The following ADAM22 variants were observed in gnomAD, a reference collection of about 807,000 sequenced individuals.
ADAM22 encodes ADAM metallopeptidase domain 22.
ADAM22 carries 65 observed loss-of-function variants against 144.6 expected under a neutral mutation model. The ratio of observed to expected loss-of-function variants is 0.45; its 90% CI spans 0.37 to 0.55. ADAM22 has a LOEUF of 0.55. Among genes scored for constraint, ADAM22 ranks in the 20% least tolerant of loss-of-function variants. The pLI is 0.00. For synonymous variants in ADAM22, 391 were observed against 412.6 expected, an observed-to-expected ratio of 0.95 and a Z score of 0.63; for missense variants, 974 against 1,184.9, an observed-to-expected ratio of 0.82 and a Z score of 2.61.
At chr7:88,092,747 G>A (rs528343616) in intron 4 of ADAM22, among the ~76,000 whole-genome samples, 1 of 152,212 alleles carries the variant, frequency 6.6e-6, no homozygotes, top group Admixed American at 6.5e-5. Context: ...TGCCTTAATG[G>A]CATTGTTAAG....
chr7:87,956,035 C>A (rs770108934), intron 2 of ADAM22, among the ~76,000 whole-genome samples: 22 of 152,194 alleles, frequency 1.4e-4, no homozygotes, highest in Non-Finnish European at 2.9e-4. Flanking sequence ...TCTGTCACCC[C>A]TTTCCTTGAC....
chr7:88,196,722 A>G lies in ADAM22; in HGVS notation c.*231A>G. ...AACTACTGAAATATTACACTATAACATGGAACAATAAAGGTACTGGTATGT... is the reference window on the plus strand; with the variant it reads ...AACTACTGAAATATTACACTATAACGTGGAACAATAAAGGTACTGGTATGT... On this transcript the variant is annotated 3_prime_UTR_variant, in exon 32 of 32. Coordinates refer to ENST00000413139, the MANE Select transcript of ADAM22 (RefSeq NM_001324418.2). 1 of 559,744 alleles carries G rather than the reference A, an allele frequency of 1.8e-6. No individual in the cohort carries two copies. The highest frequency in any genetic ancestry group is 3.2e-6 in the Non-Finnish European group (1 of 311,630). The allele number at this position is 559,744 out of a possible 1,614,324, so 34.7% of individuals were successfully genotyped here. A position where few individuals can be genotyped will look rare whatever the true frequency, so the allele number is the denominator to read the frequency against.
intron 7 of ADAM22, among the ~76,000 whole-genome samples, chr7:88,117,574 G>C (rs941899459): frequency 6.6e-6 from 1 of 152,092 alleles, no homozygotes; most frequent in Non-Finnish European, 1.5e-5. Flanking sequence ...GTCTTTGGCT[G>C]TGCTGGACTC....
intron 5 of ADAM22, among the ~76,000 whole-genome samples, chr7:88,112,241 A>T (rs538445399): frequency 1.3e-5 from 2 of 152,352 alleles, no homozygotes; most frequent in East Asian, 3.9e-4. Flanking sequence ...CAGAAAGTAC[A>T]TGTGGCTGAA....
At chr7:88,184,792 C>A (rs1046339654) in intron 29 of ADAM22, among the ~76,000 whole-genome samples, 1 of 152,302 alleles carries the variant, frequency 6.6e-6, no homozygotes, top group Non-Finnish European at 1.5e-5. Context: ...GTGAAGAACT[C>A]TCTGGTGAAG....
chr7:88,101,683 T>C (rs1214375908), intron 4 of ADAM22, among the ~76,000 whole-genome samples: 4 of 151,882 alleles, frequency 2.6e-5, no homozygotes, highest in Admixed American at 6.6e-5. Flanking sequence ...GCCAACTCTT[T>C]TTTGGGAAAC....
At chr7:88,149,988 C>T (rs1586215474) in intron 18 of ADAM22, among the ~76,000 whole-genome samples, 1 of 152,154 alleles carries the variant, frequency 6.6e-6, no homozygotes, top group East Asian at 1.9e-4. Context: ...ACATTTTATT[C>T]TTTGTGCTTT....
intron 30 of ADAM22, among the ~76,000 whole-genome samples, chr7:88,191,794 C>A (rs866930348): frequency 6.6e-6 from 1 of 152,090 alleles, no homozygotes; most frequent in Non-Finnish European, 1.5e-5. Flanking sequence ...TGGTCCTAGC[C>A]ATTTTTCAAA....
chr7:88,162,959 T>G, intron 22 of ADAM22, 53 bp from the exon 23 acceptor site: 1 of 1,585,080 alleles, frequency 6.3e-7, no homozygotes, highest in Non-Finnish European at 8.6e-7. Flanking sequence ...GAGCATATTT[T>G]CAAAATGAAG....
chr7:88,188,660 G>A (rs1396279338), intron 30 of ADAM22, among the ~76,000 whole-genome samples: 1 of 152,190 alleles, frequency 6.6e-6, no homozygotes, highest in Non-Finnish European at 1.5e-5. Flanking sequence ...GGCCCAGAAC[G>A]TTTAACACAG....
intron 3 of ADAM22, among the ~76,000 whole-genome samples, chr7:88,006,577 G>C (rs1793910276): frequency 3.4e-5 from 5 of 148,748 alleles, no homozygotes; most frequent in Non-Finnish European, 6.0e-5. Context: ...TTCATCCCTG[G>C]GATGCAAGGC....
At chr7:88,165,688 A>G in intron 23 of ADAM22, 144 bp from the exon 24 acceptor site, 1 of 444,334 alleles carries the variant, frequency 2.3e-6, no homozygotes, top group Non-Finnish European at 3.9e-6. Context: ...GGGAGAAATA[A>G]TGTAATTAGT....
At chr7:88,102,766 A>G (rs371019237) in intron 4 of ADAM22, among the ~76,000 whole-genome samples, 2 of 152,222 alleles carry the variant, frequency 1.3e-5, no homozygotes, top group East Asian at 1.9e-4. Context: ...AAGGGACATT[A>G]TAGCATCCCT....
intron 22 of ADAM22, 21 bp from the exon 23 acceptor site, chr7:88,162,991 T>G (rs910919944): frequency 1.9e-6 from 3 of 1,598,320 alleles, no homozygotes; most frequent in African/African-American, 1.4e-5. Context: ...GATTCATTTT[T>G]TGCTCTCAAT....
chr7:88,060,623 G>A (rs1372051465), intron 3 of ADAM22, among the ~76,000 whole-genome samples: 3 of 151,570 alleles, frequency 2.0e-5, no homozygotes, highest in Non-Finnish European at 4.4e-5. Context: ...AAAATTAGCC[G>A]GGCATGGTGG....
At position 88,178,926 on chromosome 7, in the gene ADAM22, A is replaced by T. The variant is rs375079071; in HGVS notation, c.2301-9A>T. 9 of 1,565,678 alleles carry T rather than the reference A, an allele frequency of 5.7e-6. No homozygotes were observed. In the African/African-American group the frequency reaches 1.2e-4, roughly 22 times the overall value. ...GTTTTCTGACTCTGAAATGTTTATT[A>T]TGCCTTAGACAGTTACCCCAGGGAG... is the stretch of plus-strand genomic sequence containing the variant. On this transcript the variant is annotated splice_polypyrimidine_tract_variant and intron_variant, in intron 26 of 31. Transcript: ENST00000413139.
chr7:88,180,372 A>G (rs969938355), intron 27 of ADAM22, among the ~76,000 whole-genome samples: 1 of 152,078 alleles, frequency 6.6e-6, no homozygotes, highest in African/African-American at 2.4e-5. Flanking sequence ...GGAGAAATTA[A>G]TGGTTTCCAG....
At chr7:88,066,802 A>G (rs948720121) in intron 3 of ADAM22, among the ~76,000 whole-genome samples, 2 of 152,086 alleles carry the variant, frequency 1.3e-5, no homozygotes, top group African/African-American at 4.8e-5. Context: ...TAGGAAATTG[A>G]AGGAAATATT....
intron 21 of ADAM22, 74 bp downstream of exon 21, chr7:88,153,400 T>A (rs1483142846): frequency 1.7e-6 from 2 of 1,175,046 alleles, no homozygotes; most frequent in East Asian, 4.9e-5. Context: ...GACTAGGAAG[T>A]TTCTGCTTTC....
Sources: gnomAD v4.1 joint callset for allele counts (sites outside exome capture counted in the v4.1 genomes callset) on GRCh38, gnomAD v4.1.1 for gene constraint, MANE v1.5 for transcripts, NCBI Gene and HGNC (gene_info 2026-07-23, HGNC 2026-07-21) for gene names.